Variants in TF observed in about 807,000 individuals in gnomAD.
TF encodes the protein serotransferrin.
TF carries 55 observed loss-of-function variants against 82.4 expected under a neutral mutation model. The ratio of observed to expected loss-of-function variants is 0.67; its 90% CI spans 0.54 to 0.84. TF has a LOEUF of 0.84. Among genes scored for constraint, TF ranks in the 40% least tolerant of loss-of-function variants. The pLI is 0.00. For synonymous variants in TF, 332 were observed against 332.6 expected (o/e 1.00, Z 0.02); for missense variants, 737 against 868.4 (o/e 0.85, Z 1.90).
chr3:133,711,963 G>A, the TF span, among the ~76,000 whole-genome samples: 1 of 151,864 alleles, frequency 6.6e-6, no homozygotes, highest in Non-Finnish European at 1.5e-5. Context: ...CTGGTCCCCT[G>A]TCTGGAGGGC....
At chr3:133,736,911 G>T in the TF span, among the ~76,000 whole-genome samples, 1 of 152,064 alleles carries the variant, frequency 6.6e-6, no homozygotes, top group Non-Finnish European at 1.5e-5. Context: ...GCAGATTAAT[G>T]AGACAAAAAA....
At chr3:133,751,358 G>A (rs939413464) in intron 2 of TF, among the ~76,000 whole-genome samples, 48 of 150,052 alleles carry the variant, frequency 3.2e-4, no homozygotes, top group Non-Finnish European at 3.7e-4. Flanking sequence ...TCAGCCTCCC[G>A]TGTAGCTGGG....
intron 9 of TF, chr3:133,761,153 G>A (rs1202602234): frequency 5.0e-6 from 1 of 200,194 alleles, no homozygotes; most frequent in Non-Finnish European, 1.1e-5. Flanking sequence ...AGACACACAG[G>A]ACTTCCAAAG....
At position 133,780,408 on chromosome 3, in the gene TF, A is replaced by G. The variant is rs1002088721; in HGVS notation, c.*1788A>G. 6 of 152,188 alleles carry G rather than the reference A, an allele frequency of 3.9e-5. No homozygotes were observed. Among genetic ancestry groups the G allele is most frequent in the African/African-American group, 1.4e-4 (6 of 41,452 alleles). The allele number at this position is 152,188 out of a possible 1,614,324, so 9.4% of individuals were successfully genotyped here. On this transcript the variant is annotated 3_prime_UTR_variant, in exon 17 of 17. Transcript: ENST00000402696. ...CTTAGACAACTGGGCTAAAACAAAA[A>G]TATTCAACATCCATTCTTAATTATT...
At chr3:133,725,985 C>T in the TF span, among the ~76,000 whole-genome samples, 9 of 152,162 alleles carry the variant, frequency 5.9e-5, no homozygotes, top group African/African-American at 2.2e-4. Context: ...ATTGAACCAG[C>T]CTTGCATCCC....
At chr3:133,771,393 G>A (rs1293523688) in intron 14 of TF, among the ~76,000 whole-genome samples, 7 of 152,222 alleles carry the variant, frequency 4.6e-5, no homozygotes, top group Non-Finnish European at 1.0e-4. Flanking sequence ...GATAGAGTTA[G>A]AAAACTATCA....
intron 2 of TF, among the ~76,000 whole-genome samples, chr3:133,750,303 G>A (rs573373684): frequency 6.6e-6 from 1 of 152,168 alleles, no homozygotes; most frequent in Non-Finnish European, 1.5e-5. Flanking sequence ...CCAGAGTCTG[G>A]TCAGGTCTCT....
At chr3:133,761,976 ATTCTT>A (rs202089397) in intron 9 of TF, 470 of 161,552 alleles carry the variant, frequency 2.9e-3, no homozygotes, top group Non-Finnish European at 4.8e-3. Flanking sequence ...CAGAGGTAGA[ATTCTT>A]ATCGGTGGCT....
rs1399794527 is a variant in TF, at chr3:133,791,052, A to T, written c.*12432A>T. 6.6e-6 allele frequency: 1 copy of T among 151,054 alleles called. No individual in the cohort carries two copies. The highest frequency in any genetic ancestry group is 1.5e-5 in the Non-Finnish European group (1 of 67,930). 9.4% of individuals were successfully genotyped at this position (151,054 alleles called of 1,614,324 possible). On this transcript the variant is annotated 3_prime_UTR_variant, in exon 17 of 17. Coordinates refer to ENST00000402696, the MANE Select transcript of TF (RefSeq NM_001063.4). ...TGTATGCACATATAAAATCATATAT[A>T]TTTTTTTTAAATTTCTAGTGGAAGG...
At chr3:133,668,764 C>T in the TF span, among the ~76,000 whole-genome samples, 3 of 152,146 alleles carry the variant, frequency 2.0e-5, no homozygotes, top group Non-Finnish European at 4.4e-5. Context: ...TGCTCTGCCA[C>T]CTGCACAGTA....
intron 14 of TF, 100 bp downstream of exon 14, chr3:133,770,672 G>C: frequency 8.2e-7 from 1 of 1,214,976 alleles, no homozygotes; most frequent in African/African-American, 1.5e-5. Flanking sequence ...TATGTACACT[G>C]TCAGACTTCA....
intron 12 of TF, among the ~76,000 whole-genome samples, chr3:133,767,686 G>C (rs1934159805): frequency 6.6e-6 from 1 of 152,218 alleles, no homozygotes; most frequent in Non-Finnish European, 1.5e-5. Context: ...TCTGAAAACA[G>C]GTGGCACAAG....
chr3:133,702,123 A>T, the TF span: 1 of 152,930 alleles, frequency 6.5e-6, no homozygotes, highest in African/African-American at 2.4e-5. Context: ...ACACTCAGAC[A>T]CACAGCACTT....
At chr3:133,738,911 G>A in the TF span, among the ~76,000 whole-genome samples, 1 of 152,158 alleles carries the variant, frequency 6.6e-6, no homozygotes, top group Non-Finnish European at 1.5e-5. Context: ...CAGATTCAAT[G>A]CTATCCCCAT....
At chr3:133,734,432 C>G in the TF span, among the ~76,000 whole-genome samples, 1 of 152,192 alleles carries the variant, frequency 6.6e-6, no homozygotes, top group African/African-American at 2.4e-5. Flanking sequence ...TGTCACAGGT[C>G]TGCAGGAGCC....
At position 133,775,603 on chromosome 3, in the gene TF, T is replaced by C; in HGVS notation, c.1858T>C (p.Leu620=). 2.5e-6 allele frequency: 4 copies of C among 1,614,142 alleles called. No individual in the cohort carries two copies. Among genetic ancestry groups the C allele is most frequent in the Non-Finnish European group, 3.4e-6 (4 of 1,180,014 alleles). Residue 620 remains leucine, a synonymous_variant, in exon 15 of 17, where the codon TTA becomes CTA. Coordinates refer to ENST00000402696, the MANE Select transcript of TF (RefSeq NM_001063.4). The part of the protein sequence containing the change: ...KDKEACVHKI[L]RQQQHLFGSN... ...TAAGGAAGCTTGCGTCCACAAGATA[T>C]TACGTCAACAGCAGGTATGGACCAG...
At chr3:133,734,789 A>G in the TF span, among the ~76,000 whole-genome samples, 9 of 128,958 alleles carry the variant, frequency 7.0e-5, no homozygotes, top group Admixed American at 3.6e-4. Context: ...CAAAAACCCA[A>G]ATGGAGAGTT....
At chr3:133,777,954 T>G in intron 16 of TF, 1 of 157,090 alleles carries the variant, frequency 6.4e-6, no homozygotes, top group Non-Finnish European at 1.4e-5. Context: ...TCCACAGGAG[T>G]ATGCAGATAA....
At chr3:133,700,656 G>A in the TF span, among the ~76,000 whole-genome samples, 1 of 152,186 alleles carries the variant, frequency 6.6e-6, no homozygotes, top group East Asian at 1.9e-4. Context: ...TGGATCTGGG[G>A]GGTGGCCCCT....
Sources: allele counts gnomAD v4.1 joint callset (sites outside exome capture counted in the v4.1 genomes callset), GRCh38; gene constraint gnomAD v4.1.1; transcripts MANE v1.5; gene names NCBI Gene and HGNC (gene_info 2026-07-23, HGNC 2026-07-21).